GRIK2: variants seen among roughly 807,000 people sequenced by gnomAD.
GRIK2 encodes glutamate ionotropic receptor kainate type subunit 2.
Under a neutral mutation model 100.3 loss-of-function variants are expected in GRIK2, and 32 were observed. That is an observed-to-expected ratio of 0.32 (90% CI 0.24 to 0.43). The LOEUF (loss-of-function observed/expected upper bound fraction) is 0.43. GRIK2 is among the 20% of genes least tolerant of loss of function. The pLI, the probability that GRIK2 is intolerant of heterozygous loss-of-function variation, is 1.00. For missense variants in GRIK2, 843 were observed against 1,114.9 expected (o/e 0.76, Z 3.47); for synonymous variants, 417 against 389.4 (o/e 1.07, Z -0.83).
chr6:101,557,713 A>C (rs1776813484), intron 2 of GRIK2, among the ~76,000 whole-genome samples: 1 of 152,156 alleles, frequency 6.6e-6, no homozygotes, highest in African/African-American at 2.4e-5. Flanking sequence ...TATGACAGAA[A>C]ATTTCTACTG....
intron 10 of GRIK2, among the ~76,000 whole-genome samples, chr6:101,830,036 G>T (rs1341327186): frequency 6.6e-6 from 1 of 151,958 alleles, no homozygotes; most frequent in African/African-American, 2.4e-5. Context: ...ATACTACAAG[G>T]CTACAGTAAC....
intron 7 of GRIK2, among the ~76,000 whole-genome samples, chr6:101,705,255 A>G (rs1284876936): frequency 6.6e-6 from 1 of 151,364 alleles, no homozygotes; most frequent in Non-Finnish European, 1.5e-5. Flanking sequence ...TTGCTTAGTA[A>G]AGTAATGCAC....
At chr6:101,697,080 C>G (rs1333870188) in intron 7 of GRIK2, among the ~76,000 whole-genome samples, 3 of 151,974 alleles carry the variant, frequency 2.0e-5, no homozygotes, top group South Asian at 4.1e-4. Context: ...TCTCTTTGAG[C>G]CTCACTCGTC....
chr6:101,415,319 A>G (rs530653401), intron 2 of GRIK2, among the ~76,000 whole-genome samples: 7 of 147,972 alleles, frequency 4.7e-5, no homozygotes, highest in Non-Finnish European at 9.0e-5. Context: ...TTTTCATTTA[A>G]CCCTTTATTG....
At chr6:102,063,282 T>G (rs1310434482) in intron 16 of GRIK2, among the ~76,000 whole-genome samples, 1 of 150,766 alleles carries the variant, frequency 6.6e-6, no homozygotes, top group East Asian at 1.9e-4. Flanking sequence ...AGTTATTTTA[T>G]ACTATCAAAA....
Position 101,640,297 on chromosome 6 carries a change from A to G in GRIK2, c.541+13660A>G, listed in dbSNP as rs571942068. 4.6e-5 allele frequency among the ~76,000 whole-genome samples: 7 copies of G among 152,276 alleles called. No homozygotes were observed. In the South Asian group the frequency reaches 1.4e-3, roughly 32 times the overall value. ...TTTACCAATATCTCTGGTTATCTTC[A>G]CTTCTAAACCTCAAAAAGTTGCAGT... On this transcript the variant is annotated intron_variant, in intron 4 of 16. Transcript: ENST00000369134.
intron 10 of GRIK2, among the ~76,000 whole-genome samples, chr6:101,854,707 T>C (rs1784331077): frequency 6.6e-6 from 1 of 152,194 alleles, no homozygotes; most frequent in Non-Finnish European, 1.5e-5. Context: ...ATTTAGAAAT[T>C]AGAAAATTGA....
At chr6:101,982,508 G>A (rs1268884831) in intron 14 of GRIK2, among the ~76,000 whole-genome samples, 1 of 151,548 alleles carries the variant, frequency 6.6e-6, no homozygotes, top group Admixed American at 6.6e-5. Context: ...GTGAATCGTG[G>A]GTGTAATTTA....
chr6:101,842,402 G>T (rs1783566024), intron 10 of GRIK2, among the ~76,000 whole-genome samples: 1 of 151,872 alleles, frequency 6.6e-6, no homozygotes, highest in Non-Finnish European at 1.5e-5. Context: ...ACTGACTTGG[G>T]ACATTTTTAC....
intron 14 of GRIK2, among the ~76,000 whole-genome samples, chr6:102,026,519 A>G (rs1769713111): frequency 6.6e-6 from 1 of 151,184 alleles, no homozygotes. Flanking sequence ...AGTTGAAGAC[A>G]TCTCATTTAA....
rs566985637 is a variant in GRIK2, at chr6:101,979,583, C to T, written c.2085+50951C>T. On this transcript the variant is annotated intron_variant, in intron 14 of 16. Transcript: ENST00000369134. ...AGAAGAAATGGCTCCCTCTTAATCC[C>T]TCTTGATGGAGGTGAGGTTGTCCAG... Among the ~76,000 whole-genome samples, 6 of 151,956 alleles carry T rather than the reference C, an allele frequency of 3.9e-5. No homozygotes were observed. The East Asian group carries it at 9.8e-4, about 25-fold the overall frequency.
chr6:101,797,606 CTA>C (rs1780388889), intron 7 of GRIK2, among the ~76,000 whole-genome samples: 2 of 146,500 alleles, frequency 1.4e-5, no homozygotes, highest in Non-Finnish European at 3.0e-5. Context: ...TCATATTACT[CTA>C]TAAATATATA....
chr6:101,990,839 A>AT (rs144422706), intron 14 of GRIK2, among the ~76,000 whole-genome samples: 55,715 of 151,192 alleles, frequency 0.37, 10,927 homozygotes, highest in South Asian at 0.47. Flanking sequence ...TAATTTCTTA[A>AT]TTTTTTTGAC....
chr6:101,394,417 C>T (rs745344144), intron 1 of GRIK2, among the ~76,000 whole-genome samples: 3 of 152,206 alleles, frequency 2.0e-5, no homozygotes, highest in Non-Finnish European at 4.4e-5. Flanking sequence ...GAACCACATC[C>T]TCTGATATTT....
At chr6:101,423,483 A>G (rs891139509) in intron 2 of GRIK2, among the ~76,000 whole-genome samples, 9 of 152,124 alleles carry the variant, frequency 5.9e-5, no homozygotes, top group African/African-American at 2.2e-4. Context: ...TATTTTTGAA[A>G]GTAGACTAAC....
chr6:101,471,215 T>G (rs908718608), intron 2 of GRIK2, among the ~76,000 whole-genome samples: 4 of 152,100 alleles, frequency 2.6e-5, no homozygotes, highest in Non-Finnish European at 5.9e-5. Flanking sequence ...TTCCTTTATA[T>G]TCTCTGAGGT....
chr6:101,831,149 A>G lies in GRIK2; in HGVS notation c.1317+12666A>G, dbSNP rs79034021. ...AATTTAAAAATAAAACACAAACTCT[A>G]GATTATGATAGTTATTCCTTTTATA... On this transcript the variant is annotated intron_variant, in intron 10 of 16. Coordinates refer to ENST00000369134, the MANE Select transcript of GRIK2 (RefSeq NM_021956.5). Among the ~76,000 whole-genome samples the G allele has an allele frequency of 2.7e-3, 404 of 152,214 alleles. 4 individuals carry two copies. Among genetic ancestry groups the G allele is most frequent in the African/African-American group, 8.0e-3 (331 of 41,548 alleles).
At chr6:101,760,721 T>TA in intron 7 of GRIK2, among the ~76,000 whole-genome samples, 1 of 101,774 alleles carries the variant, frequency 9.8e-6, no homozygotes, top group Admixed American at 1.3e-4. Flanking sequence ...TTTAATTATA[T>TA]TTAATTATAT....
chr6:101,740,650 C>A (rs1583054000), intron 7 of GRIK2, among the ~76,000 whole-genome samples: 1 of 152,152 alleles, frequency 6.6e-6, no homozygotes, highest in South Asian at 2.1e-4. Context: ...AAAGAGGCTT[C>A]TTTGGTTCAC....
Sources: gnomAD v4.1 joint callset for allele counts (sites outside exome capture counted in the v4.1 genomes callset) on GRCh38, gnomAD v4.1.1 for gene constraint, MANE v1.5 for transcripts, NCBI Gene and HGNC (gene_info 2026-07-23, HGNC 2026-07-21) for gene names.